Variants in PCLO observed in about 807,000 individuals in gnomAD.
PCLO encodes piccolo presynaptic cytomatrix protein.
A neutral mutation model predicts 427.5 loss-of-function variants in PCLO; 82 were observed. That is an observed-to-expected ratio of 0.19 (90% confidence interval 0.16 to 0.23). PCLO has a LOEUF of 0.23. Among genes scored for constraint, PCLO ranks in the 10% least tolerant of loss-of-function variants. The probability of loss-of-function intolerance (pLI) is 1.00; values close to 1 mark genes in which losing one functional copy is unlikely to be tolerated. For synonymous variants in PCLO, 2,357 were observed against 2,155.4 expected, an observed-to-expected ratio of 1.09 and a Z score of -2.59; for missense variants, 6,239 against 6,115.9, an observed-to-expected ratio of 1.02 and a Z score of -0.67.
chr7:82,850,429 T>A (rs186586409), intron 10 of PCLO, among the ~76,000 whole-genome samples: 3 of 152,118 alleles, frequency 2.0e-5, no homozygotes, highest in African/African-American at 7.2e-5. Flanking sequence ...AAAAAGACAA[T>A]AATTAGGTAA....
rs189516831 is a variant in PCLO at position 83,104,696 on chromosome 7, T to C, written c.3300+29554A>G. Among the ~76,000 whole-genome samples, 302 of 152,240 alleles carry C rather than the reference T, an allele frequency of 2.0e-3. 2 individuals are homozygous for C. The highest frequency in any genetic ancestry group is 6.9e-3 in the African/African-American group (285 of 41,586). On this transcript the variant is annotated intron_variant, in intron 3 of 24. Coordinates refer to ENST00000333891, the MANE Select transcript of PCLO (RefSeq NM_033026.6). ...AAATATTTTAAAGTTTACAATATAA[T>C]AGTGGAACTTCTGTGACTTGTAGAT...
intron 3 of PCLO, among the ~76,000 whole-genome samples, chr7:83,009,004 C>T (rs896776731): frequency 4.6e-5 from 7 of 151,544 alleles, no homozygotes; most frequent in Non-Finnish European, 8.9e-5. Context: ...AAAAGTTAAT[C>T]TCTCCAGCAA....
At chr7:83,108,257 T>TA (rs1790917986) in intron 3 of PCLO, among the ~76,000 whole-genome samples, 1 of 152,078 alleles carries the variant, frequency 6.6e-6, no homozygotes, top group African/African-American at 2.4e-5. Flanking sequence ...CCTTTGTTGT[T>TA]ATTGGTATGA....
intron 3 of PCLO, among the ~76,000 whole-genome samples, chr7:83,102,371 A>G (rs1170444678): frequency 6.6e-6 from 1 of 151,998 alleles, no homozygotes; most frequent in Non-Finnish European, 1.5e-5. Context: ...TGCAGATTAT[A>G]TAAACAATTT....
intron 3 of PCLO, among the ~76,000 whole-genome samples, chr7:83,065,989 G>A: frequency 6.6e-6 from 1 of 152,064 alleles, no homozygotes; most frequent in East Asian, 1.9e-4. Flanking sequence ...TATTCTGCCT[G>A]CTGTATTCAT....
At chr7:83,104,881 A>G (rs566854188) in intron 3 of PCLO, among the ~76,000 whole-genome samples, 1 of 152,278 alleles carries the variant, frequency 6.6e-6, no homozygotes, top group East Asian at 1.9e-4. Context: ...AACATGAAAA[A>G]ATTTGAGAGG....
At chr7:82,960,988 T>C (rs983221258) in intron 4 of PCLO, among the ~76,000 whole-genome samples, 1 of 152,170 alleles carries the variant, frequency 6.6e-6, no homozygotes, top group East Asian at 1.9e-4. Context: ...ATAATTCTAG[T>C]ACTTCTGCCT....
chr7:83,158,827 A>G lies in PCLO; in HGVS notation c.249-2435T>C, dbSNP rs1792364337. The stretch of plus-strand genomic sequence containing the variant: ...TATAATTTAAACTTAGTTAGTTGCT[A>G]TAACTATGTAAATAAAAGTAAAACA... On this transcript the variant is annotated intron_variant, in intron 1 of 24. Coordinates refer to ENST00000333891, the MANE Select transcript of PCLO (RefSeq NM_033026.6). 3.9e-5 allele frequency among the ~76,000 whole-genome samples: 6 copies of G among 152,068 alleles called. No individual in the cohort carries two copies. In the South Asian group the frequency reaches 1.2e-3, roughly 31 times the overall value.
intron 2 of PCLO, among the ~76,000 whole-genome samples, chr7:83,148,523 C>A (rs1734031468): frequency 6.6e-6 from 1 of 151,778 alleles, no homozygotes; most frequent in Non-Finnish European, 1.5e-5. Flanking sequence ...ACTTTTTTTT[C>A]TTTTGTTTTT....
intron 2 of PCLO, among the ~76,000 whole-genome samples, chr7:83,139,498 A>C (rs1362157287): frequency 1.3e-5 from 2 of 152,204 alleles, no homozygotes; most frequent in African/African-American, 2.4e-5. Flanking sequence ...CACATTTTAT[A>C]CTATCTTTAT....
At chr7:82,772,395 T>TA (rs1790665951) in intron 22 of PCLO, among the ~76,000 whole-genome samples, 1 of 152,124 alleles carries the variant, frequency 6.6e-6, no homozygotes, top group Admixed American at 6.6e-5. Context: ...TATTGAAAGC[T>TA]ATGGGGTGGC....
intron 24 of PCLO, 102 bp downstream of exon 24, chr7:82,760,537 T>A (rs1478470419): frequency 1.5e-6 from 1 of 685,626 alleles, no homozygotes; most frequent in Non-Finnish European, 2.3e-6. Flanking sequence ...TTCTCAAATG[T>A]CATATAGTGT....
At chr7:83,081,321 T>TTAA (rs1222402259) in intron 3 of PCLO, among the ~76,000 whole-genome samples, 1 of 151,948 alleles carries the variant, frequency 6.6e-6, no homozygotes, top group East Asian at 1.9e-4. Flanking sequence ...GGGAATAAAA[T>TTAA]TAATGTACAT....
In PCLO at chr7:83,135,379, G is replaced by A. The variant is rs751159777; in HGVS notation, c.2171C>T (p.Pro724Leu). 1.9e-6 allele frequency: 3 copies of A among 1,613,978 alleles called. No homozygotes were observed. The highest frequency in any genetic ancestry group is 1.7e-5 in the Admixed American group (1 of 60,016). ...GSPSAKAKQP[P>L]EADSLSKPAP... ...TGGCTTGGACAAAGAATCTGCCTCA[G>A]GGGGCTGCTTGGCCTTGGCTGAAGG... The change falls in exon 3 of 25, where the codon CCT becomes CTT. Residue 724 changes from proline to leucine, a missense_variant. Around this residue, in one of 5 missense-constraint regions of PCLO, gnomAD observed 4,677 missense variants for 4,468.4 expected, o/e 1.05. Transcript: ENST00000333891.
chr7:82,824,810 G>A (rs373391452), intron 18 of PCLO, among the ~76,000 whole-genome samples: 202 of 151,708 alleles, frequency 1.3e-3, no homozygotes, highest in African/African-American at 4.5e-3. Flanking sequence ...TTAGCTGGGC[G>A]TGGTGGCGGG....
intron 7 of PCLO, among the ~76,000 whole-genome samples, chr7:82,911,222 C>G (rs952005486): frequency 7.2e-5 from 11 of 152,014 alleles, no homozygotes; most frequent in Non-Finnish European, 2.9e-5. Flanking sequence ...AGATGACTAT[C>G]ATCCTTTGCA....
chr7:82,779,436 A>G (rs1790822423), intron 22 of PCLO, among the ~76,000 whole-genome samples: 1 of 152,114 alleles, frequency 6.6e-6, no homozygotes, highest in Non-Finnish European at 1.5e-5. Context: ...AATTACTTTG[A>G]TTAACTTTGT....
At chr7:82,795,500 A>T (rs528215560) in intron 22 of PCLO, among the ~76,000 whole-genome samples, 4 of 152,290 alleles carry the variant, frequency 2.6e-5, no homozygotes, top group Middle Eastern at 3.4e-3. Flanking sequence ...ATGAATTTAA[A>T]ATGTTTTTTC....
At chr7:83,082,141 A>G (rs9656537) in intron 3 of PCLO, among the ~76,000 whole-genome samples, 42,564 of 151,166 alleles carry the variant, frequency 0.28, 7,049 homozygotes, top group East Asian at 0.56. Context: ...ACACGCACAC[A>G]CATATGTAAA....
Sources: gnomAD v4.1 joint callset for allele counts (sites outside exome capture counted in the v4.1 genomes callset) on GRCh38, gnomAD v4.1.1 for gene constraint, gnomAD v4.1.1 regional missense constraint, MANE v1.5 for transcripts, NCBI Gene and HGNC (gene_info 2026-07-23, HGNC 2026-07-21) for gene names.